The following PPP1R13B variants were observed in gnomAD, a reference collection of about 807,000 sequenced individuals.
PPP1R13B encodes the protein apoptosis-stimulating of p53 protein 1.
PPP1R13B carries 44 observed loss-of-function variants against 119.8 expected under a neutral mutation model. The ratio of observed to expected loss-of-function variants is 0.37; its 90% CI spans 0.29 to 0.47. The LOEUF (loss-of-function observed/expected upper bound fraction) is 0.47, where lower values mean the gene tolerates loss of function less well. Among genes scored for constraint, PPP1R13B ranks in the 20% least tolerant of loss-of-function variants. PPP1R13B has a pLI of 0.99. For synonymous variants in PPP1R13B, 542 were observed against 561.5 expected, an observed-to-expected ratio of 0.97 and a Z score of 0.49; for missense variants, 1,227 against 1,413.5, an observed-to-expected ratio of 0.87 and a Z score of 2.12.
At chr14:103,737,437 G>T in intron 15 of PPP1R13B, 1 of 362,084 alleles carries the variant, frequency 2.8e-6, no homozygotes, top group Non-Finnish European at 4.9e-6. Context: ...TTAGCTGGCT[G>T]TGGTGGGACA....
intron 2 of PPP1R13B, among the ~76,000 whole-genome samples, chr14:103,790,126 A>T (rs1448899965): frequency 6.6e-6 from 1 of 151,806 alleles, no homozygotes; most frequent in African/African-American, 2.4e-5. Context: ...GGCGCCTATA[A>T]TCCCAGCTAC....
chr14:103,749,891 T>G lies in PPP1R13B; in HGVS notation c.872A>C (p.Gln291Pro). 2 of 1,614,204 alleles carry G rather than the reference T, an allele frequency of 1.2e-6. No homozygotes were observed. The highest frequency in any genetic ancestry group is 1.7e-6 in the Non-Finnish European group (2 of 1,180,024). The change falls in exon 8 of 17, where the codon CAG becomes CCG. Residue 291 changes from glutamine to proline, a missense_variant. By Grantham distance (76) the Gln-to-Pro change is moderately conservative. Transcript: ENST00000202556. ...GCGCTTATTTAAGAGTTCCTTCTGC[T>G]GCTGAAGTTTTGAATTTTGTTCCTG... is the stretch of plus-strand genomic sequence containing the variant. ...LNQEQNSKLQ[Q>P]QKELLNKRNM...
intron 4 of PPP1R13B, among the ~76,000 whole-genome samples, chr14:103,778,412 C>T (rs2085261776): frequency 6.6e-6 from 1 of 151,998 alleles, no homozygotes; most frequent in South Asian, 2.1e-4. Flanking sequence ...CAGGCGCATG[C>T]CACCATGCCT....
intron 1 of PPP1R13B, among the ~76,000 whole-genome samples, chr14:103,834,660 G>A (rs1212576576): frequency 7.5e-6 from 1 of 132,920 alleles, no homozygotes; most frequent in Non-Finnish European, 1.5e-5. Flanking sequence ...GAGCAATCTC[G>A]ACTCACCACA....
intron 2 of PPP1R13B, among the ~76,000 whole-genome samples, chr14:103,797,007 A>C (rs10140452): frequency 0.13 from 19,098 of 147,996 alleles, 1,914 homozygotes; most frequent in African/African-American, 0.27. Context: ...AGTTCATAGG[A>C]GCATTATTCA....
chr14:103,787,617 G>C (rs560399441), intron 2 of PPP1R13B, among the ~76,000 whole-genome samples: 1 of 149,748 alleles, frequency 6.7e-6, no homozygotes, highest in South Asian at 2.1e-4. Flanking sequence ...TTCAAGACCA[G>C]TCTGGGGAAA....
At chr14:103,758,334 A>G (rs1036987303) in intron 4 of PPP1R13B, among the ~76,000 whole-genome samples, 4 of 152,214 alleles carry the variant, frequency 2.6e-5, no homozygotes, top group African/African-American at 9.7e-5. Flanking sequence ...ATCTCTGTCA[A>G]TGATGCCCTG....
intron 1 of PPP1R13B, among the ~76,000 whole-genome samples, chr14:103,800,687 AT>A (rs887283011): frequency 5.3e-5 from 8 of 151,430 alleles, no homozygotes; most frequent in African/African-American, 1.7e-4. Flanking sequence ...AAAAAAAAAG[AT>A]TTTTTTTTCT....
chr14:103,741,515 C>T (rs1157520409), intron 11 of PPP1R13B, among the ~76,000 whole-genome samples: 1 of 152,208 alleles, frequency 6.6e-6, no homozygotes, highest in Non-Finnish European at 1.5e-5. Context: ...CTCGACATCT[C>T]ACCCTTCCCG....
At chr14:103,765,275 C>CA (rs1462211363) in intron 4 of PPP1R13B, among the ~76,000 whole-genome samples, 2 of 151,930 alleles carry the variant, frequency 1.3e-5, no homozygotes, top group Non-Finnish European at 2.9e-5. Flanking sequence ...AACCTAGAAT[C>CA]AAAAAAATAT....
Position 103,784,922 on chromosome 14 carries a change from A to G in PPP1R13B, c.158-8T>C. The G allele has an allele frequency of 1.9e-6, 3 of 1,554,486 alleles. No individual in the cohort carries two copies. The highest frequency in any genetic ancestry group is 2.6e-6 in the Non-Finnish European group (3 of 1,140,412). On this transcript the variant is annotated splice_polypyrimidine_tract_variant and splice_region_variant and intron_variant, in intron 2 of 16. Coordinates refer to ENST00000202556, the MANE Select transcript of PPP1R13B (RefSeq NM_015316.3). ...CAAAGGGTATGGGACGTTCTAGGAA[A>G]AAGACCACATCTTTTTTACTCCAGA...
Position 103,738,532 on chromosome 14 carries a change from G to GC in PPP1R13B, c.2864+146dup, listed in dbSNP as rs2084169686. 1 of 1,274,112 alleles carries GC rather than the reference G, an allele frequency of 7.8e-7. No individual in the cohort carries two copies. Among genetic ancestry groups the GC allele is most frequent in the South Asian group, 1.6e-5 (1 of 63,946 alleles). The allele number at this position is 1,274,112 out of a possible 1,614,324, so 78.9% of individuals were successfully genotyped here. Reference sequence around the variant, plus strand: ...TGGAAAAAAAGGCAAGGAAACCCTGGCAACAGCTGTCTTTCAAGGATGAAA... The same window carrying GC: ...TGGAAAAAAAGGCAAGGAAACCCTGGCCAACAGCTGTCTTTCAAGGATGAAA... On this transcript the variant is annotated intron_variant, in intron 14 of 16. Transcript: ENST00000202556. This position sits in a 1 kb window ranked among gnomAD's most constrained non-coding sequence, Gnocchi z 5.6.
At chr14:103,735,756 C>T (rs541796189) in intron 16 of PPP1R13B, among the ~76,000 whole-genome samples, 4 of 152,316 alleles carry the variant, frequency 2.6e-5, no homozygotes, top group Admixed American at 2.0e-4. Context: ...GCTCATTGAG[C>T]GGCCCCTCAC....
intron 4 of PPP1R13B, 76 bp downstream of exon 4, chr14:103,778,669 G>A (rs1359698987): frequency 8.1e-7 from 1 of 1,229,030 alleles, no homozygotes; most frequent in African/African-American, 1.5e-5. Flanking sequence ...GCCTCCCAAA[G>A]TGCTGAGATT....
chr14:103,845,694 A>G (rs1257594347), intron 1 of PPP1R13B, among the ~76,000 whole-genome samples: 2 of 152,146 alleles, frequency 1.3e-5, no homozygotes, highest in African/African-American at 4.8e-5. Context: ...AGCCAGCCAA[A>G]ATTTTTCTAG....
intron 4 of PPP1R13B, 152 bp downstream of exon 4, chr14:103,778,593 A>C (rs2085266131): frequency 3.1e-6 from 2 of 644,160 alleles, no homozygotes; most frequent in Non-Finnish European, 2.8e-6. Context: ...TTTTATAGAC[A>C]GAGGGTCTCA....
Position 103,735,304 on chromosome 14 carries a change from A to G in PPP1R13B, c.3232-109T>C, listed in dbSNP as rs931164319. The G allele has an allele frequency of 6.8e-6, 7 of 1,033,962 alleles. No homozygotes were observed. The African/African-American group carries it at 1.1e-4, about 16-fold the overall frequency. 64.0% of individuals were successfully genotyped at this position (1,033,962 alleles called of 1,614,324 possible). A position where few individuals can be genotyped will look rare whatever the true frequency, so the allele number is the denominator to read the frequency against. ...CAGCCACCCTGGACAGCCGTGCAGC[A>G]CCCTTGTCCCTCAGGCCTACGCTCA... On this transcript the variant is annotated intron_variant, in intron 16 of 16. Coordinates refer to ENST00000202556, the MANE Select transcript of PPP1R13B (RefSeq NM_015316.3).
intron 1 of PPP1R13B, among the ~76,000 whole-genome samples, chr14:103,845,479 A>C (rs2087008013): frequency 6.6e-6 from 1 of 152,206 alleles, no homozygotes; most frequent in Admixed American, 6.5e-5. Context: ...GTTTTTTTAA[A>C]AAACAGTATT....
At chr14:103,784,035 G>A (rs991863557) in intron 3 of PPP1R13B, among the ~76,000 whole-genome samples, 1 of 151,982 alleles carries the variant, frequency 6.6e-6, no homozygotes, top group African/African-American at 2.4e-5. Context: ...AATCCCTTTA[G>A]TGTGGCGGTG....
Sources: allele counts gnomAD v4.1 joint callset (sites outside exome capture counted in the v4.1 genomes callset), GRCh38; gene constraint gnomAD v4.1.1; non-coding constraint Gnocchi (gnomAD v3.1); transcripts MANE v1.5; gene names NCBI Gene and HGNC (gene_info 2026-07-23, HGNC 2026-07-21).